Variants in CACNA1H observed in about 807,000 individuals in gnomAD.
The protein encoded by CACNA1H is voltage-dependent T-type calcium channel subunit alpha-1H.
A neutral mutation model predicts 192.5 loss-of-function variants in CACNA1H; 149 were observed. The ratio of observed to expected loss-of-function variants is 0.77; its 90% confidence interval spans 0.68 to 0.89. The LOEUF (loss-of-function observed/expected upper bound fraction) is 0.89, where lower values mean the gene tolerates loss of function less well. Ranked by LOEUF, CACNA1H falls within the 40% of genes least tolerant of loss-of-function variation. CACNA1H has a pLI of 0.00. For missense variants in CACNA1H, 4,257 were observed against 3,423.5 expected, an observed-to-expected ratio of 1.24 and a Z score of -6.08; for synonymous variants, 2,202 against 1,475.2, an observed-to-expected ratio of 1.49 and a Z score of -11.29.
intron 30 of CACNA1H, 27 bp from the exon 31 acceptor site, chr16:1,216,905 A>C (rs1970071737): frequency 6.3e-7 from 1 of 1,580,570 alleles, no homozygotes; most frequent in East Asian, 2.3e-5. Context: ...CGCCCGTCTG[A>C]CCCAGCTCTG....
In CACNA1H at chr16:1,180,790, A is replaced by G. The variant is rs1180730088; in HGVS notation, c.300-14182A>G. ...TCCCACAGGGAGGCCCCTTAGGTGA[A>G]GAGGACCAGAGTGAGGTCAGCCCTG... On this transcript the variant is annotated intron_variant, in intron 2 of 34. Transcript: ENST00000348261. The surrounding 1 kb of genome is among the most constrained non-coding windows in gnomAD (Gnocchi z 4.4). Among the ~76,000 whole-genome samples the G allele has an allele frequency of 6.6e-6, 1 of 152,106 alleles. No homozygotes were observed. The highest frequency in any genetic ancestry group is 1.5e-5 in the Non-Finnish European group (1 of 67,982).
Position 1,195,569 on chromosome 16 carries a change from G to A in CACNA1H, c.545+4G>A. 1 of 1,584,020 alleles carries A rather than the reference G, an allele frequency of 6.3e-7. No individual in the cohort carries two copies. ...ATTTCTTCATCGTCGTGGCGGGGTA[G>A]GCCCCGCCTGGGAGAGGCCACAGCG... is the stretch of plus-strand genomic sequence containing the variant. On this transcript the variant is annotated splice_donor_region_variant and intron_variant, in intron 4 of 34. Transcript: ENST00000348261.
chr16:1,156,062 G>A (rs1962329024), intron 2 of CACNA1H, among the ~76,000 whole-genome samples: 1 of 152,178 alleles, frequency 6.6e-6, no homozygotes, highest in Non-Finnish European at 1.5e-5. Flanking sequence ...TCTCTGGGCT[G>A]GGAGAGAATG....
intron 2 of CACNA1H, among the ~76,000 whole-genome samples, chr16:1,179,096 CT>C (rs1463216095): frequency 6.6e-6 from 1 of 152,162 alleles, no homozygotes; most frequent in African/African-American, 2.4e-5. Context: ...TCAGCCCTCC[CT>C]GCACACTGTT....
At chr16:1,216,908 C>G (rs745899972) in intron 30 of CACNA1H, 24 bp from the exon 31 acceptor site, 4 of 1,586,322 alleles carry the variant, frequency 2.5e-6, no homozygotes, top group Non-Finnish European at 3.4e-6. Context: ...CCGTCTGACC[C>G]AGCTCTGCTT....
intron 2 of CACNA1H, among the ~76,000 whole-genome samples, chr16:1,161,119 A>G (rs1487889358): frequency 6.6e-6 from 1 of 152,164 alleles, no homozygotes; most frequent in African/African-American, 2.4e-5. Flanking sequence ...TCCTGCAGAA[A>G]AGGCCTTGAG....
At chr16:1,207,158 T>C in intron 13 of CACNA1H, 40 bp downstream of exon 13, 2 of 1,551,208 alleles carry the variant, frequency 1.3e-6, no homozygotes, top group South Asian at 1.2e-5. Flanking sequence ...GGGTGCTGAG[T>C]GTGGTCCCCA....
At chr16:1,156,821 C>T (rs1227527936) in intron 2 of CACNA1H, among the ~76,000 whole-genome samples, 1 of 152,142 alleles carries the variant, frequency 6.6e-6, no homozygotes, top group East Asian at 1.9e-4. Flanking sequence ...TATCCCTGAA[C>T]CTCTCCTGAA....
chr16:1,205,916 G>T (rs1011920192), intron 11 of CACNA1H, among the ~76,000 whole-genome samples, 188 bp from the exon 12 acceptor site: 1 of 152,208 alleles, frequency 6.6e-6, no homozygotes, highest in Non-Finnish European at 1.5e-5. Context: ...GGGGCCATCA[G>T]CGGATAAGCG....
In CACNA1H at chr16:1,200,451, A is replaced by G. The variant is rs529471626; in HGVS notation, c.999A>G (p.Ala333=). Residue 333 remains alanine (A), a synonymous_variant, in exon 7 of 35, where the codon GCA becomes GCG. Transcript: ENST00000348261. The stretch of plus-strand genomic sequence containing the variant: ...CGCAGGCCGAGGGGGTGGGCGCTGC[A>G]CGCAACGCCTGCATCAACTGGAACC... ...TQPQAEGVGA[A]RNACINWNQY... is the part of the protein sequence containing the mutation. 416 of 1,611,594 alleles carry G rather than the reference A, an allele frequency of 2.6e-4. 6 individuals are homozygous for G. In the South Asian group the frequency reaches 4.4e-3, roughly 17 times the overall value.
chr16:1,190,942 T>G (rs111764354), intron 2 of CACNA1H, among the ~76,000 whole-genome samples: 8,563 of 112,108 alleles, frequency 0.076, 5 homozygotes, highest in Middle Eastern at 0.24. Context: ...TGACCCAGCA[T>G]GCTGGCCTGG....
At chr16:1,195,844 GC>G in intron 4 of CACNA1H, 81 bp from the exon 5 acceptor site, 3 of 1,128,460 alleles carry the variant, frequency 2.7e-6, no homozygotes, top group Non-Finnish European at 4.1e-6. Context: ...TTCTATGCCT[GC>G]CCACCCTACT....
chr16:1,175,646 C>T (rs1304761315), intron 2 of CACNA1H, among the ~76,000 whole-genome samples: 1 of 152,212 alleles, frequency 6.6e-6, no homozygotes, highest in Admixed American at 6.5e-5. Flanking sequence ...GAATCTGAAG[C>T]GGTCCCTGAC....
intron 2 of CACNA1H, among the ~76,000 whole-genome samples, chr16:1,176,723 G>A (rs563578119): frequency 1.3e-5 from 2 of 152,338 alleles, no homozygotes; most frequent in African/African-American, 4.8e-5. Flanking sequence ...ACCCACAGGG[G>A]ATGCTCATGA....
At chr16:1,200,593 C>T (rs770036532) in intron 7 of CACNA1H, 22 bp downstream of exon 7, 18 of 1,610,046 alleles carry the variant, frequency 1.1e-5, no homozygotes, top group East Asian at 4.5e-5. Context: ...GATGGTGGGA[C>T]GGGGACCCTG....
chr16:1,161,838 GT>G (rs1156518170), intron 2 of CACNA1H, among the ~76,000 whole-genome samples: 1 of 152,190 alleles, frequency 6.6e-6, no homozygotes, highest in East Asian at 1.9e-4. Flanking sequence ...GACCTCCTGG[GT>G]CCCCTTGCCG....
intron 4 of CACNA1H, 94 bp downstream of exon 4, chr16:1,195,659 G>T: frequency 7.1e-7 from 1 of 1,414,542 alleles, no homozygotes; most frequent in African/African-American, 1.4e-5. Context: ...AAAAATGGGA[G>T]GTGTGTTCTA....
At position 1,167,027 on chromosome 16, in the gene CACNA1H, C is replaced by A. The variant is rs960569898; in HGVS notation, c.299+12991C>A. On this transcript the variant is annotated intron_variant, in intron 2 of 34. Transcript: ENST00000348261. This position sits in a 1 kb window ranked among gnomAD's most constrained non-coding sequence, Gnocchi z 4.2. ...TTCCAAAGCGGTGCCCACCTGTTGA[C>A]CCACCTCTCGCCCCCAGCTTTTGGG... 1.5e-4 allele frequency among the ~76,000 whole-genome samples: 23 copies of A among 152,336 alleles called. No individual in the cohort carries two copies. In the South Asian group the frequency reaches 4.8e-3, roughly 32 times the overall value.
chr16:1,220,451 T>A lies in CACNA1H; in HGVS notation c.6519T>A (p.Pro2173=). 1.9e-6 allele frequency: 3 copies of A among 1,539,788 alleles called. No individual in the cohort carries two copies. The highest frequency in any genetic ancestry group is 2.6e-6 in the Non-Finnish European group (3 of 1,151,944). The change falls in exon 35 of 35, where the codon CCT becomes CCA. Residue 2173 remains proline (P), a synonymous_variant. Transcript: ENST00000348261. The part of the protein sequence containing the change: ...GEPGEAKAWG[P]EAEPALGARR... ...CTGGGGAGGCGAAGGCCTGGGGCCC[T>A]GAGGCCGAGCCCGCTCTGGGTGCGC...
Sources: allele counts gnomAD v4.1 joint callset (sites outside exome capture counted in the v4.1 genomes callset), GRCh38; gene constraint gnomAD v4.1.1; non-coding constraint Gnocchi (gnomAD v3.1); transcripts MANE v1.5; gene names NCBI Gene and HGNC (gene_info 2026-07-23, HGNC 2026-07-21).